PTPRA: variants seen among roughly 807,000 people sequenced by gnomAD.
PTPRA encodes the protein receptor-type tyrosine-protein phosphatase alpha.
A neutral mutation model predicts 104.8 loss-of-function variants in PTPRA; 25 were observed. That is an observed-to-expected ratio of 0.24 (90% CI 0.17 to 0.33). The LOEUF is 0.33. PTPRA is among the 10% of genes least tolerant of loss of function. The pLI, the probability that PTPRA is intolerant of heterozygous loss-of-function variation, is 1.00. For synonymous variants in PTPRA, 323 were observed against 368.9 expected (o/e 0.88, Z 1.43); for missense variants, 765 against 1,015.3 (o/e 0.75, Z 3.35).
the PTPRA span, chr20:2,864,424 C>G: frequency 4.3e-6 from 7 of 1,614,048 alleles, no homozygotes; most frequent in Non-Finnish European, 5.9e-6. The surrounding 1 kb of genome is among the most constrained non-coding windows in gnomAD (Gnocchi z 5.2). Context: ...TTTCATGACC[C>G]TTCGGAATCA....
rs71195803 is a variant in PTPRA, at chr20:2,883,651, CAAAA to C, written c.-129+9915_-129+9918del. Among the ~76,000 whole-genome samples the C allele has an allele frequency of 4.3e-3, 14 of 3,248 alleles. No individual in the cohort carries two copies. In the African/African-American group the frequency reaches 0.048, roughly 11 times the overall value. 2.1% of individuals were successfully genotyped at this position (3,248 alleles called of 152,430 possible). ...TGGGCGACAGAGCGAGACTCCGTCT[CAAAA>C]AAAAAAAAAAAAAAAAAAAAAAAGA... On this transcript the variant is annotated intron_variant, in intron 1 of 23. Transcript: ENST00000399903.
chr20:2,912,407 T>C (rs751026012), intron 1 of PTPRA, among the ~76,000 whole-genome samples: 3 of 152,076 alleles, frequency 2.0e-5, no homozygotes, highest in Non-Finnish European at 4.4e-5. Flanking sequence ...GTGGATTGCT[T>C]GAGCTCAGGA....
chr20:2,868,597 T>C (rs2089389437), upstream of PTPRA, among the ~76,000 whole-genome samples: 2 of 137,798 alleles, frequency 1.5e-5, no homozygotes, highest in Admixed American at 7.5e-5. Flanking sequence ...TAATCCCCAA[T>C]GCTGGGCTCA....
chr20:3,010,973 C>T (rs1466219570), intron 11 of PTPRA, among the ~76,000 whole-genome samples: 1 of 152,214 alleles, frequency 6.6e-6, no homozygotes, highest in African/African-American at 2.4e-5. Context: ...GCATCTGCCA[C>T]CGTAACCAGT....
rs564722567 is a variant in PTPRA at position 3,035,474 on chromosome 20, G to A, written c.1921-111G>A. 152 of 1,263,700 alleles carry A rather than the reference G, an allele frequency of 1.2e-4. No homozygotes were observed. The highest frequency in any genetic ancestry group is 1.9e-4 in the East Asian group (8 of 42,546). The allele number at this position is 1,263,700 out of a possible 1,614,324, so 78.3% of individuals were successfully genotyped here. On this transcript the variant is annotated intron_variant, in intron 20 of 23. Transcript: ENST00000399903. This position sits in a 1 kb window ranked among gnomAD's most constrained non-coding sequence, Gnocchi z 5.8. ...GTTTTCAATACCTTGGGGACGAAGC[G>A]TATCAGCGTAAGAGGTGGCTGTACT...
chr20:3,018,034 G>A, intron 13 of PTPRA, 121 bp downstream of exon 13: 1 of 830,216 alleles, frequency 1.2e-6, no homozygotes, highest in Non-Finnish European at 1.9e-6. Flanking sequence ...AAAGACACAG[G>A]CTGAAGTCTA....
chr20:2,922,512 G>A (rs1252312888), intron 1 of PTPRA, among the ~76,000 whole-genome samples: 1 of 152,072 alleles, frequency 6.6e-6, no homozygotes, highest in Non-Finnish European at 1.5e-5. Context: ...GCTAATTTTT[G>A]TATTTTTGGT....
At chr20:3,005,272 T>C in intron 10 of PTPRA, 126 bp downstream of exon 10, 2 of 888,732 alleles carry the variant, frequency 2.3e-6, no homozygotes, top group South Asian at 1.6e-5. Context: ...TTCATGGCAG[T>C]ACTCAGTGGC....
chr20:2,917,978 A>G (rs555517185), intron 1 of PTPRA, among the ~76,000 whole-genome samples: 19 of 151,036 alleles, frequency 1.3e-4, no homozygotes, highest in African/African-American at 4.1e-4. Context: ...AATCCCAGCT[A>G]CTCTGGAGGC....
At chr20:2,944,627 G>A (rs1282649055) in intron 2 of PTPRA, among the ~76,000 whole-genome samples, 1 of 152,186 alleles carries the variant, frequency 6.6e-6, no homozygotes, top group African/African-American at 2.4e-5. Context: ...CAAATTAAAG[G>A]AATGGAGAAA....
At chr20:2,889,043 T>C (rs1222411095) in intron 1 of PTPRA, among the ~76,000 whole-genome samples, 2 of 152,240 alleles carry the variant, frequency 1.3e-5, no homozygotes, top group Non-Finnish European at 2.9e-5. Context: ...AGGGCTTTTG[T>C]TGAGCAAGTA....
At chr20:2,962,977 G>T (rs2061811932) in intron 3 of PTPRA, among the ~76,000 whole-genome samples, 1 of 152,212 alleles carries the variant, frequency 6.6e-6, no homozygotes, top group South Asian at 2.1e-4. Context: ...GTCCTGTGAA[G>T]ATGGGGCTCA....
At chr20:2,946,754 A>G (rs1161143296) in intron 2 of PTPRA, among the ~76,000 whole-genome samples, 1 of 152,090 alleles carries the variant, frequency 6.6e-6, no homozygotes, top group African/African-American at 2.4e-5. Flanking sequence ...AGGCTGAGGC[A>G]GGAGAATCGC....
At chr20:2,918,211 A>C (rs2147309740) in intron 1 of PTPRA, among the ~76,000 whole-genome samples, 1 of 152,106 alleles carries the variant, frequency 6.6e-6, no homozygotes, top group South Asian at 2.1e-4. Flanking sequence ...TTTTTTTAAA[A>C]CGAGACAGGG....
At position 2,896,522 on chromosome 20, in the gene PTPRA, A is replaced by G. The variant is rs1041090303; in HGVS notation, c.-129+22762A>G. ...TTCCACAGGTTGTTAATGTTGTACA[A>G]TTGCGTCTTCTCTTTCTCACTTCAC... On this transcript the variant is annotated intron_variant, in intron 1 of 23. Coordinates refer to ENST00000399903, the MANE Select transcript of PTPRA (RefSeq NM_001385305.1). Among the ~76,000 whole-genome samples the G allele has an allele frequency of 2.0e-5, 3 of 152,340 alleles. No individual in the cohort carries two copies. In the South Asian group the frequency reaches 6.2e-4, roughly 32 times the overall value.
chr20:2,956,507 C>G (rs939931216), intron 3 of PTPRA, among the ~76,000 whole-genome samples: 2 of 152,000 alleles, frequency 1.3e-5, no homozygotes, highest in South Asian at 4.1e-4. Flanking sequence ...GTTGCCAGGA[C>G]CAGACAGGCT....
chr20:2,865,874 T>C, the PTPRA span: 2 of 462,596 alleles, frequency 4.3e-6, no homozygotes, highest in Middle Eastern at 6.1e-4. This position sits in a 1 kb window ranked among gnomAD's most constrained non-coding sequence, Gnocchi z 5.2. Context: ...CAGAGGTGTA[T>C]AGGGCAGGTT....
chr20:3,000,242 T>C (rs1304659798), intron 9 of PTPRA, among the ~76,000 whole-genome samples: 2 of 152,046 alleles, frequency 1.3e-5, no homozygotes, highest in African/African-American at 4.8e-5. Flanking sequence ...GAGCCAAGAT[T>C]GCGCCACTGC....
chr20:3,026,157 C>G (rs1444186629), intron 17 of PTPRA, among the ~76,000 whole-genome samples: 1 of 151,880 alleles, frequency 6.6e-6, no homozygotes, highest in African/African-American at 2.4e-5. Context: ...ATGCGGGTCT[C>G]AAACTCCTAA....
Sources: allele counts gnomAD v4.1 joint callset (sites outside exome capture counted in the v4.1 genomes callset), GRCh38; gene constraint gnomAD v4.1.1; non-coding constraint Gnocchi (gnomAD v3.1); transcripts MANE v1.5; gene names NCBI Gene and HGNC (gene_info 2026-07-23, HGNC 2026-07-21).